HEATR3: variants seen among roughly 807,000 people sequenced by gnomAD.
HEATR3 encodes HEAT repeat-containing protein 3.
A neutral mutation model predicts 72.8 loss-of-function variants in HEATR3; 56 were observed. The ratio of observed to expected loss-of-function variants is 0.77; its 90% CI spans 0.62 to 0.96. The LOEUF is 0.96. HEATR3 is among the 40% of genes least tolerant of loss of function. The pLI is 0.00. For missense variants in HEATR3, 747 were observed against 831.4 expected (o/e 0.90, Z 1.25); for synonymous variants, 331 against 318.1 (o/e 1.04, Z -0.43).
chr16:50,095,749 C>T (rs911109943), intron 12 of HEATR3, among the ~76,000 whole-genome samples: 1 of 152,014 alleles, frequency 6.6e-6, no homozygotes, highest in African/African-American at 2.4e-5. Context: ...AGGTTATTAG[C>T]GTCCTGTCAT....
chr16:50,077,151 G>A (rs1254082011), intron 6 of HEATR3, among the ~76,000 whole-genome samples: 1 of 152,088 alleles, frequency 6.6e-6, no homozygotes, highest in Non-Finnish European at 1.5e-5. Flanking sequence ...TGGGATCACA[G>A]GCGTGAGCCA....
Position 50,105,798 on chromosome 16 carries a change from T to G in HEATR3, c.*737T>G. On this transcript the variant is annotated 3_prime_UTR_variant, in exon 15 of 15. Coordinates refer to ENST00000299192, the MANE Select transcript of HEATR3 (RefSeq NM_182922.4). ...GTTGGCCAGGCTGGTCTCAAATTCCTGACCTCAAGTGATCCGCCTGCCCTG... is the reference window on the plus strand; with the variant it reads ...GTTGGCCAGGCTGGTCTCAAATTCCGGACCTCAAGTGATCCGCCTGCCCTG... The G allele has an allele frequency of 6.6e-6, 1 of 151,944 alleles. No individual in the cohort carries two copies. Among genetic ancestry groups the G allele is most frequent in the Non-Finnish European group, 1.5e-5 (1 of 67,998 alleles). The allele number at this position is 151,944 out of a possible 1,614,324, so 9.4% of individuals were successfully genotyped here. A position where few individuals can be genotyped will look rare whatever the true frequency, so the allele number is the denominator to read the frequency against.
At chr16:50,069,098 C>A in intron 3 of HEATR3, 1 of 353,506 alleles carries the variant, frequency 2.8e-6, no homozygotes, top group South Asian at 6.4e-5. Context: ...CAGACTCACT[C>A]CTTTAGATGT....
At chr16:50,067,169 C>T (rs931960974) in intron 2 of HEATR3, among the ~76,000 whole-genome samples, 9 of 152,112 alleles carry the variant, frequency 5.9e-5, no homozygotes, top group African/African-American at 2.2e-4. Context: ...ACCTGGGCAA[C>T]ATAGCAAGAC....
intron 11 of HEATR3, among the ~76,000 whole-genome samples, chr16:50,091,891 AAT>A (rs201950165): frequency 9.2e-5 from 14 of 151,892 alleles, no homozygotes; most frequent in African/African-American, 3.4e-4. Flanking sequence ...AAAAAAAAAA[AAT>A]ATCGTTCAAA....
Position 50,078,843 on chromosome 16 carries a change from G to T in HEATR3, c.866G>T (p.Gly289Val). Residue 289 changes from glycine to valine, a missense_variant, in exon 7 of 15, where the codon GGT becomes GTT. By Grantham distance (109) the Gly-to-Val change is moderately radical. This residue lies in a region of HEATR3 where 586 missense variants were observed against 708.8 expected (regional missense o/e 0.83). Transcript: ENST00000299192. ...TCTGAAGTTTTGGGAATGGATGCTG[G>T]TGAAATGGTTATTCAAATGAAAGAG... ...ILSEVLGMDA[G>V]EMVIQMKEAE... 1 of 1,614,110 alleles carries T rather than the reference G, an allele frequency of 6.2e-7. No individual in the cohort carries two copies. Among genetic ancestry groups the T allele is most frequent in the Non-Finnish European group, 8.5e-7 (1 of 1,180,018 alleles).
chr16:50,066,250 C>G lies in HEATR3; in HGVS notation c.119C>G (p.Ala40Gly), dbSNP rs142043637. 7.2e-5 allele frequency: 113 copies of G among 1,562,428 alleles called. No individual in the cohort carries two copies. Among genetic ancestry groups the G allele is most frequent in the Non-Finnish European group, 9.7e-5 (112 of 1,156,760 alleles). Residue 40 changes from alanine to glycine, a missense_variant, in exon 1 of 15, where the codon GCG becomes GGG. Ala to Gly is a moderately conservative substitution (Grantham distance 60). Around this residue, in one of 2 missense-constraint regions of HEATR3, gnomAD observed 161 missense variants for 122.6 expected, o/e 1.31. Transcript: ENST00000299192. ...GTGGEEDDGP[A>G]AELLEKLQHP... ...GGAGGCGAGGAGGACGACGGGCCGG[C>G]GGCGGAGCTGCTGGAAAAGGTGAGG...
At chr16:50,081,842 A>G (rs76180765) in intron 7 of HEATR3, among the ~76,000 whole-genome samples, 3,467 of 152,100 alleles carry the variant, frequency 0.023, 126 homozygotes, top group African/African-American at 0.08. Context: ...ACAGTTACCA[A>G]TTTTCAAAGT....
rs779540309 is a variant in HEATR3, at chr16:50,075,711, G to C, written c.763G>C (p.Gly255Arg). The change falls in exon 6 of 15, where the codon GGC becomes CGC. Residue 255 changes from glycine to arginine, a missense_variant and splice_region_variant. Physicochemically the swap from Gly to Arg is moderately radical, Grantham distance 125. Coordinates refer to ENST00000299192, the MANE Select transcript of HEATR3 (RefSeq NM_182922.4). ...TCTTCTATTGAAGACATTGGTAGCA[G>C]GTAAAATTTAGCCTTACGGCATAGT... is the stretch of plus-strand genomic sequence containing the variant. ...ESLLLKTLVAGTIWNLKDIIP... is the reference protein window; with the variant it reads ...ESLLLKTLVARTIWNLKDIIP... 2 of 1,611,288 alleles carry C rather than the reference G, an allele frequency of 1.2e-6. No homozygotes were observed. The highest frequency in any genetic ancestry group is 1.7e-5 in the Admixed American group (1 of 59,960).
chr16:50,104,011 G>A (rs898760278), intron 14 of HEATR3, among the ~76,000 whole-genome samples: 1 of 151,922 alleles, frequency 6.6e-6, no homozygotes, highest in Non-Finnish European at 1.5e-5. Flanking sequence ...CAGCCTAGGC[G>A]ATGAAGCAAG....
chr16:50,089,758 C>T (rs2037067601), intron 11 of HEATR3, among the ~76,000 whole-genome samples: 1 of 151,836 alleles, frequency 6.6e-6, no homozygotes, highest in Non-Finnish European at 1.5e-5. Context: ...AATTTCTGCC[C>T]CCCAAGTTCA....
In HEATR3 at chr16:50,068,866, A is replaced by T; in HGVS notation, c.398A>T (p.Glu133Val). The T allele has an allele frequency of 6.2e-7, 1 of 1,611,718 alleles. No individual in the cohort carries two copies. The highest frequency in any genetic ancestry group is 1.1e-5 in the South Asian group (1 of 90,838). ...IMTPLVALLKECSAGLDSNEM... is the reference protein window; with the variant it reads ...IMTPLVALLKVCSAGLDSNEM... ...ACCCCTCTGGTTGCGCTGCTAAAAG[A>T]GGTATGCAGTTTTTACAGTATCTTG... The change falls in exon 3 of 15, where the codon GAG becomes GTG. Residue 133 changes from glutamate to valine, a missense_variant and splice_region_variant. Coordinates refer to ENST00000299192, the MANE Select transcript of HEATR3 (RefSeq NM_182922.4).
intron 6 of HEATR3, among the ~76,000 whole-genome samples, chr16:50,076,763 G>A (rs1342112366): frequency 1.3e-5 from 2 of 149,542 alleles, no homozygotes; most frequent in African/African-American, 4.9e-5. Flanking sequence ...GCAGTGGTGC[G>A]AGCTCAGCTT....
chr16:50,068,913 A>G, intron 3 of HEATR3, 46 bp downstream of exon 3: 2 of 1,415,632 alleles, frequency 1.4e-6, no homozygotes, highest in Non-Finnish European at 2.0e-6. Flanking sequence ...TGGGATGCAA[A>G]CTTAGACTTT....
Position 50,102,311 on chromosome 16 carries a change from T to G in HEATR3, c.1796T>G (p.Val599Gly). 2 of 1,614,108 alleles carry G rather than the reference T, an allele frequency of 1.2e-6. No individual in the cohort carries two copies. Among genetic ancestry groups the G allele is most frequent in the Non-Finnish European group, 1.7e-6 (2 of 1,179,996 alleles). The stretch of plus-strand genomic sequence containing the variant: ...ACCACCAAAGATCCTTCCCTTGTGG[T>G]AGCAGGAGAAGCTTTGGATGCCCTC... The part of the protein sequence containing the change: ...EVTTKDPSLV[V>G]AGEALDALFD... Residue 599 changes from valine (V) to glycine (G), a missense_variant, in exon 14 of 15, where the codon GTA becomes GGA. Physicochemically the swap from Val to Gly is moderately radical, Grantham distance 109. Transcript: ENST00000299192.
At chr16:50,088,495 C>G (rs999071497) in intron 11 of HEATR3, among the ~76,000 whole-genome samples, 1 of 152,280 alleles carries the variant, frequency 6.6e-6, no homozygotes, top group East Asian at 1.9e-4. Flanking sequence ...AGTGCTAGTC[C>G]CATTCCCATT....
chr16:50,083,332 G>A (rs546205442), intron 7 of HEATR3, among the ~76,000 whole-genome samples: 2 of 152,042 alleles, frequency 1.3e-5, no homozygotes, highest in South Asian at 4.2e-4. Context: ...TTAAGTTTAA[G>A]TTGGCGTTAT....
intron 14 of HEATR3, among the ~76,000 whole-genome samples, chr16:50,103,470 A>G (rs190510158): frequency 6.6e-6 from 1 of 152,324 alleles, no homozygotes; most frequent in East Asian, 1.9e-4. Flanking sequence ...AAATGCATTT[A>G]TGTACAATCA....
At position 50,084,155 on chromosome 16, in the gene HEATR3, A is replaced by C; in HGVS notation, c.1154A>C (p.Glu385Ala). The change falls in exon 9 of 15, where the codon GAA becomes GCA. Residue 385 changes from glutamate to alanine, a missense_variant. Transcript: ENST00000299192. ...CCAGATCCCTCTGATGACGAATGGG[A>C]AGAGCTTTCTAGCAGTGATGAAAGT... ...CNEDPSDDEW[E>A]ELSSSDESDA... 1 of 1,614,160 alleles carries C rather than the reference A, an allele frequency of 6.2e-7. No individual in the cohort carries two copies.
Sources: allele counts gnomAD v4.1 joint callset (sites outside exome capture counted in the v4.1 genomes callset), GRCh38; gene constraint gnomAD v4.1.1; regional missense constraint gnomAD v4.1.1; transcripts MANE v1.5; gene names NCBI Gene and HGNC (gene_info 2026-07-23, HGNC 2026-07-21).